GALNT13: variants seen among roughly 807,000 people sequenced by gnomAD.
GALNT13 encodes the protein polypeptide N-acetylgalactosaminyltransferase 13.
In GALNT13, 28 loss-of-function variants were observed where a neutral mutation model predicts 64.2. The ratio of observed to expected loss-of-function variants is 0.44; its 90% confidence interval spans 0.32 to 0.60. The LOEUF is 0.60. Ranked by LOEUF, GALNT13 falls within the 20% of genes least tolerant of loss-of-function variation. The probability of loss-of-function intolerance (pLI) is 0.05; values close to 1 mark genes in which losing one functional copy is unlikely to be tolerated. For synonymous variants in GALNT13, 214 were observed against 224.6 expected, an observed-to-expected ratio of 0.95 and a Z score of 0.42; for missense variants, 577 against 669.8, an observed-to-expected ratio of 0.86 and a Z score of 1.53.
Position 154,077,508 on chromosome 2 carries a change from GAAAAT to G in GALNT13, c.143-62821_143-62817del, listed in dbSNP as rs147716384. On this transcript the variant is annotated intron_variant, in intron 3 of 12. Coordinates refer to ENST00000392825, the MANE Select transcript of GALNT13 (RefSeq NM_052917.4). ...GCCCTTATTTGTGAGTAAAGGGGTG[GAAAAT>G]AAAATAAGATGTCATTTTCATCTAT... Among the ~76,000 whole-genome samples, 979 of 151,462 alleles carry G rather than the reference GAAAAT, an allele frequency of 6.5e-3. 8 individuals are homozygous for G. The highest frequency in any genetic ancestry group is 0.022 in the African/African-American group (918 of 41,434).
intron 9 of GALNT13, among the ~76,000 whole-genome samples, chr2:154,377,491 G>C (rs1443801974): frequency 6.6e-6 from 1 of 152,076 alleles, no homozygotes; most frequent in Non-Finnish European, 1.5e-5. Flanking sequence ...ACTAAATCAA[G>C]CCCAGAACTT....
At chr2:154,174,653 C>A (rs1225874006) in intron 4 of GALNT13, among the ~76,000 whole-genome samples, 2 of 152,054 alleles carry the variant, frequency 1.3e-5, no homozygotes, top group African/African-American at 4.8e-5. Flanking sequence ...AAGATATAAC[C>A]TTTATTTCCT....
intron 9 of GALNT13, among the ~76,000 whole-genome samples, chr2:154,383,171 CCTA>C (rs1456165352): frequency 1.4e-4 from 21 of 151,776 alleles, no homozygotes; most frequent in Admixed American, 1.4e-3. Flanking sequence ...AATAGGCTAG[CCTA>C]CTCTTCTGTT....
At chr2:153,359,577 T>C in the GALNT13 span, among the ~76,000 whole-genome samples, 14 of 130,190 alleles carry the variant, frequency 1.1e-4, no homozygotes, top group Admixed American at 1.1e-3. Context: ...AGAGTGAAGA[T>C]GTGAGCACTC....
At chr2:153,608,953 G>A in the GALNT13 span, among the ~76,000 whole-genome samples, 1 of 123,618 alleles carries the variant, frequency 8.1e-6, no homozygotes, top group Non-Finnish European at 1.6e-5. Flanking sequence ...GTCTTGCTCT[G>A]TTGCCCAGGC....
At chr2:153,105,434 C>T in the GALNT13 span, among the ~76,000 whole-genome samples, 1 of 152,100 alleles carries the variant, frequency 6.6e-6, no homozygotes, top group African/African-American at 2.4e-5. Flanking sequence ...TGGACAAAAA[C>T]TGGAAGCATT....
At chr2:153,517,261 A>T in the GALNT13 span, among the ~76,000 whole-genome samples, 3 of 152,180 alleles carry the variant, frequency 2.0e-5, no homozygotes, top group Non-Finnish European at 4.4e-5. Flanking sequence ...GGCTTTTAAA[A>T]TATTCAGTGG....
At chr2:153,342,705 C>T in the GALNT13 span, among the ~76,000 whole-genome samples, 1 of 152,164 alleles carries the variant, frequency 6.6e-6, no homozygotes, top group African/African-American at 2.4e-5. Context: ...CTCTTCCCTC[C>T]ATCTTCTGAT....
At chr2:154,081,460 A>T (rs6734266) in intron 3 of GALNT13, among the ~76,000 whole-genome samples, 28,232 of 151,430 alleles carry the variant, frequency 0.19, 3,352 homozygotes, top group Non-Finnish European at 0.26. Context: ...CATTTCCCTC[A>T]ATGTGACAGT....
At chr2:153,996,961 T>A (rs1695561451) in intron 3 of GALNT13, among the ~76,000 whole-genome samples, 1 of 152,160 alleles carries the variant, frequency 6.6e-6, no homozygotes, top group Admixed American at 6.6e-5. Context: ...CTCAGCACCT[T>A]TGTAAAAAGA....
At chr2:153,746,051 A>G in the GALNT13 span, among the ~76,000 whole-genome samples, 1 of 152,166 alleles carries the variant, frequency 6.6e-6, no homozygotes, top group African/African-American at 2.4e-5. Context: ...CCACCCTTAC[A>G]ATAGTGATAC....
the GALNT13 span, among the ~76,000 whole-genome samples, chr2:153,629,464 G>A: frequency 6.6e-6 from 1 of 151,994 alleles, no homozygotes; most frequent in African/African-American, 2.4e-5. Flanking sequence ...GCTGAAACTG[G>A]ATCCCTTCCT....
chr2:153,975,243 A>T (rs1822772), intron 3 of GALNT13, among the ~76,000 whole-genome samples: 2 of 151,906 alleles, frequency 1.3e-5, no homozygotes, highest in Admixed American at 1.3e-4. Flanking sequence ...CCTAACAATG[A>T]TTACATGTCA....
chr2:153,721,434 A>C, the GALNT13 span, among the ~76,000 whole-genome samples: 2 of 147,976 alleles, frequency 1.4e-5, no homozygotes, highest in African/African-American at 2.6e-5. Flanking sequence ...TAACATCATA[A>C]TGACAGGATC....
chr2:154,116,766 A>G (rs2105505622), intron 3 of GALNT13, among the ~76,000 whole-genome samples: 1 of 152,298 alleles, frequency 6.6e-6, no homozygotes, highest in Non-Finnish European at 1.5e-5. Context: ...CATATTAAGC[A>G]GTCAACTTCA....
the GALNT13 span, among the ~76,000 whole-genome samples, chr2:153,840,561 T>A: frequency 6.6e-6 from 1 of 152,044 alleles, no homozygotes; most frequent in African/African-American, 2.4e-5. Context: ...TGCATCAGGG[T>A]CCTGGCAGAA....
intron 3 of GALNT13, among the ~76,000 whole-genome samples, chr2:153,955,360 C>T (rs1692490464): frequency 6.6e-6 from 1 of 151,936 alleles, no homozygotes; most frequent in East Asian, 1.9e-4. Flanking sequence ...AGTTAAGAGG[C>T]CTTGAAATAT....
chr2:154,356,485 A>G (rs911158097), intron 9 of GALNT13, among the ~76,000 whole-genome samples: 5 of 150,814 alleles, frequency 3.3e-5, no homozygotes, highest in East Asian at 1.9e-4. Context: ...AAAAAATTGT[A>G]TAGGGTGGAT....
chr2:153,396,760 A>G, the GALNT13 span, among the ~76,000 whole-genome samples: 5 of 152,154 alleles, frequency 3.3e-5, no homozygotes, highest in African/African-American at 1.2e-4. Context: ...TGCAATTTTC[A>G]CAGAAAGTCT....
Sources: allele counts gnomAD v4.1 joint callset (sites outside exome capture counted in the v4.1 genomes callset), GRCh38; gene constraint gnomAD v4.1.1; transcripts MANE v1.5; gene names NCBI Gene and HGNC (gene_info 2026-07-23, HGNC 2026-07-21).